The following SNX14 variants were observed in gnomAD, a reference collection of about 807,000 sequenced individuals.
SNX14 encodes the protein sorting nexin-14.
SNX14 carries 93 observed loss-of-function variants against 133.8 expected under a neutral mutation model. That is an observed-to-expected ratio of 0.70 (90% CI 0.59 to 0.83). The LOEUF (loss-of-function observed/expected upper bound fraction) is 0.83. Ranked by LOEUF, SNX14 falls within the 40% of genes least tolerant of loss-of-function variation. The pLI, the probability that SNX14 is intolerant of heterozygous loss-of-function variation, is 0.00. For synonymous variants in SNX14, 368 were observed against 365.6 expected (o/e 1.01, Z -0.07); for missense variants, 945 against 1,094.9 (o/e 0.86, Z 1.93).
At chr6:85,543,830 A>T in intron 12 of SNX14, 70 bp from the exon 13 acceptor site, 1 of 978,844 alleles carries the variant, frequency 1.0e-6, no homozygotes. Flanking sequence ...CTTCAGTCCC[A>T]TTCTAATTGT....
intron 15 of SNX14, among the ~76,000 whole-genome samples, chr6:85,540,842 T>A (rs1041902603): frequency 6.6e-6 from 1 of 152,204 alleles, no homozygotes; most frequent in Non-Finnish European, 1.5e-5. Flanking sequence ...AATTTATTTA[T>A]GTTTATTAGA....
chr6:85,571,336 G>C (rs1450651582), intron 4 of SNX14, among the ~76,000 whole-genome samples: 1 of 150,442 alleles, frequency 6.6e-6, no homozygotes, highest in African/African-American at 2.5e-5. Context: ...CTCCGGCCTG[G>C]GTGGCAGAGC....
chr6:85,543,164 G>C lies in SNX14; in HGVS notation c.1389+18C>G. On this transcript the variant is annotated intron_variant, in intron 14 of 28. Coordinates refer to ENST00000314673, the MANE Select transcript of SNX14 (RefSeq NM_153816.6). ...TTATGTATAAAAATCCTCAAACAAG[G>C]TTAATATTTTGACTTACCTCATCAC... 6.6e-7 allele frequency: 1 copy of C among 1,512,892 alleles called. No individual in the cohort carries two copies. Among genetic ancestry groups the C allele is most frequent in the Non-Finnish European group, 8.8e-7 (1 of 1,134,580 alleles). 93.7% of individuals were successfully genotyped at this position (1,512,892 alleles called of 1,614,324 possible).
chr6:85,593,446 C>G, intron 1 of SNX14, 133 bp downstream of exon 1: 1 of 1,369,102 alleles, frequency 7.3e-7, no homozygotes, highest in South Asian at 1.6e-5. Flanking sequence ...GAGGCCGCTC[C>G]TCTGCGGAGC....
intron 21 of SNX14, among the ~76,000 whole-genome samples, chr6:85,522,367 G>A (rs1259808401): frequency 6.6e-6 from 1 of 152,140 alleles, no homozygotes; most frequent in Admixed American, 6.5e-5. Flanking sequence ...TTGGTCCTAT[G>A]CGTGTTTATA....
At chr6:85,584,046 C>G (rs1324909538) in intron 1 of SNX14, among the ~76,000 whole-genome samples, 1 of 152,168 alleles carries the variant, frequency 6.6e-6, no homozygotes, top group East Asian at 1.9e-4. Context: ...GGTACCAAAA[C>G]AGATATATAG....
chr6:85,523,702 T>C (rs986366739), intron 21 of SNX14, among the ~76,000 whole-genome samples: 1 of 152,040 alleles, frequency 6.6e-6, no homozygotes, highest in Non-Finnish European at 1.5e-5. Context: ...AAGGCAGAAG[T>C]TGCAGTGAGC....
chr6:85,570,724 G>A (rs980782170), intron 4 of SNX14, among the ~76,000 whole-genome samples: 3 of 151,834 alleles, frequency 2.0e-5, no homozygotes, highest in African/African-American at 4.8e-5. Flanking sequence ...GTGGTGGTGT[G>A]CGCTTGTAGT....
intron 1 of SNX14, among the ~76,000 whole-genome samples, chr6:85,575,678 T>C (rs1386522255): frequency 6.6e-6 from 1 of 152,264 alleles, no homozygotes; most frequent in African/African-American, 2.4e-5. Context: ...ACAATGCTGC[T>C]GTTCAACAGA....
intron 17 of SNX14, among the ~76,000 whole-genome samples, chr6:85,536,530 C>CAA (rs1782006600): frequency 6.6e-6 from 1 of 152,160 alleles, no homozygotes; most frequent in Admixed American, 6.6e-5. Context: ...TTAGAAGTAT[C>CAA]TCAGCTTAAC....
In SNX14 at chr6:85,514,374, C is replaced by T. The variant is rs1037724433; in HGVS notation, c.2392+132G>A. On this transcript the variant is annotated intron_variant, in intron 24 of 28. Coordinates refer to ENST00000314673, the MANE Select transcript of SNX14 (RefSeq NM_153816.6). Reference sequence around the variant, plus strand: ...CAACTTTAATATGATCAAGGCCAATCGTATTGAATTATTATAAAAGGTATC... The same window carrying T: ...CAACTTTAATATGATCAAGGCCAATTGTATTGAATTATTATAAAAGGTATC... 10 of 1,416,788 alleles carry T rather than the reference C, an allele frequency of 7.1e-6. No individual in the cohort carries two copies. In the South Asian group the frequency reaches 9.7e-5, roughly 14 times the overall value. 87.8% of individuals were successfully genotyped at this position (1,416,788 alleles called of 1,614,324 possible).
intron 1 of SNX14, 103 bp from the exon 2 acceptor site, chr6:85,574,481 A>C: frequency 1.4e-6 from 1 of 706,498 alleles, no homozygotes; most frequent in East Asian, 3.1e-5. Flanking sequence ...CTACAATATC[A>C]GATTGAAGCA....
In SNX14 at chr6:85,593,806, C is replaced by T. The variant is rs1050336960; in HGVS notation, c.-88G>A. 2 of 1,580,722 alleles carry T rather than the reference C, an allele frequency of 1.3e-6. No homozygotes were observed. Among genetic ancestry groups the T allele is most frequent in the Non-Finnish European group, 1.7e-6 (2 of 1,168,690 alleles). ...TCCACACCTCGCGTCCCCGCCCCAC[C>T]GACTTGGCGGCGCACACAGACGCCT... On this transcript the variant is annotated 5_prime_UTR_variant, in exon 1 of 29. Coordinates refer to ENST00000314673, the MANE Select transcript of SNX14 (RefSeq NM_153816.6).
At chr6:85,531,317 T>C (rs1037767934) in intron 18 of SNX14, among the ~76,000 whole-genome samples, 3 of 152,160 alleles carry the variant, frequency 2.0e-5, no homozygotes, top group Non-Finnish European at 4.4e-5. Flanking sequence ...ATTGTGTCTA[T>C]CACATAAAAT....
chr6:85,536,661 A>C, intron 17 of SNX14, 131 bp downstream of exon 17: 1 of 761,460 alleles, frequency 1.3e-6, no homozygotes, highest in Non-Finnish European at 2.0e-6. Flanking sequence ...GTCTGAAGTA[A>C]GAAGATAAAG....
At chr6:85,543,095 G>C in intron 14 of SNX14, 87 bp downstream of exon 14, 2 of 1,215,856 alleles carry the variant, frequency 1.6e-6, no homozygotes, top group Non-Finnish European at 2.2e-6. Flanking sequence ...TATTTATTTT[G>C]TTATTTGAAT....
intron 26 of SNX14, among the ~76,000 whole-genome samples, chr6:85,512,189 C>T (rs1273688493): frequency 1.3e-5 from 2 of 152,172 alleles, no homozygotes; most frequent in African/African-American, 2.4e-5. Flanking sequence ...AGGGTAGGGC[C>T]TTGTCAAGAA....
chr6:85,549,680 G>A (rs1449265273), intron 8 of SNX14, 43 bp downstream of exon 8: 1 of 1,531,544 alleles, frequency 6.5e-7, no homozygotes, highest in Non-Finnish European at 8.8e-7. Flanking sequence ...TATACATATG[G>A]CATGTTATGC....
intron 1 of SNX14, 104 bp from the exon 2 acceptor site, chr6:85,574,482 G>A: frequency 1.4e-6 from 1 of 702,180 alleles, no homozygotes; most frequent in Non-Finnish European, 2.2e-6. Context: ...TACAATATCA[G>A]ATTGAAGCAA....
Sources: allele counts gnomAD v4.1 joint callset (sites outside exome capture counted in the v4.1 genomes callset), GRCh38; gene constraint gnomAD v4.1.1; transcripts MANE v1.5; gene names NCBI Gene and HGNC (gene_info 2026-07-23, HGNC 2026-07-21).